Variants in AGL observed in about 807,000 individuals in gnomAD.
The protein encoded by AGL is glycogen debranching enzyme.
A neutral mutation model predicts 199.3 loss-of-function variants in AGL; 128 were observed. The observed-to-expected ratio is 0.64, with a 90% CI of 0.56 to 0.74. The LOEUF (loss-of-function observed/expected upper bound fraction) is 0.74, where lower values mean the gene tolerates loss of function less well. Ranked by LOEUF, AGL falls within the 30% of genes least tolerant of loss-of-function variation. The pLI is 0.00. For synonymous variants in AGL, 584 were observed against 594.7 expected (o/e 0.98, Z 0.26); for missense variants, 1,809 against 1,820.8 (o/e 0.99, Z 0.12).
chr1:99,869,900 A>G (rs527781120), intron 5 of AGL, among the ~76,000 whole-genome samples: 23 of 152,204 alleles, frequency 1.5e-4, no homozygotes, highest in Non-Finnish European at 2.8e-4. Flanking sequence ...AGGCTATCCA[A>G]CCTCCACTCC....
chr1:99,887,141 G>A (rs1340666994), intron 20 of AGL, among the ~76,000 whole-genome samples: 1 of 152,128 alleles, frequency 6.6e-6, no homozygotes, highest in Admixed American at 6.6e-5. Flanking sequence ...TCTAAATTGA[G>A]CCAGAACTAA....
intron 7 of AGL, among the ~76,000 whole-genome samples, chr1:99,872,308 A>G (rs1445998582): frequency 6.6e-6 from 1 of 152,190 alleles, no homozygotes; most frequent in Non-Finnish European, 1.5e-5. Context: ...GTACTGCAGA[A>G]AATACATCCC....
chr1:99,877,797 A>C lies in AGL; in HGVS notation c.1580A>C (p.Asn527Thr). The C allele has an allele frequency of 6.2e-7, 1 of 1,614,086 alleles. No individual in the cohort carries two copies. Among genetic ancestry groups the C allele is most frequent in the South Asian group, 1.1e-5 (1 of 91,076 alleles). Residue 527 changes from asparagine to threonine, a missense_variant, in exon 12 of 34, where the codon AAC (asparagine) becomes ACC (threonine). Coordinates refer to ENST00000361915, the MANE Select transcript of AGL (RefSeq NM_000642.3). ...TATTTCCAGGGAGTACGTCTTGATA[A>C]CTGCCACTCAACACCTCTTCACGTA... is the stretch of plus-strand genomic sequence containing the variant. ...ATYFQGVRLDNCHSTPLHVAE... is the reference protein window; with the variant it reads ...ATYFQGVRLDTCHSTPLHVAE...
intron 26 of AGL, among the ~76,000 whole-genome samples, chr1:99,901,809 G>A (rs1408383924): frequency 6.6e-6 from 1 of 151,940 alleles, no homozygotes; most frequent in African/African-American, 2.4e-5. Flanking sequence ...TCCAGGGTTA[G>A]CATATATTTG....
Position 99,875,424 on chromosome 1 carries a change from C to T in AGL, c.1252C>T (p.Pro418Ser). The T allele has an allele frequency of 3.7e-6, 6 of 1,614,044 alleles. No individual in the cohort carries two copies. The highest frequency in any genetic ancestry group is 5.1e-6 in the Non-Finnish European group (6 of 1,179,998). ...GGCTGGCCATGGTCCAAAACTAGGA[C>T]CTGTCACTAGAAAGCATCCTTTAGT... ...RLAGHGPKLG[P>S]VTRKHPLVTR... is the part of the protein sequence containing the mutation. The change falls in exon 10 of 34, where the codon CCT (proline) becomes TCT (serine). Residue 418 changes from proline (P) to serine (S), a missense_variant. Coordinates refer to ENST00000361915, the MANE Select transcript of AGL (RefSeq NM_000642.3).
intron 23 of AGL, 53 bp from the exon 24 acceptor site, chr1:99,892,379 A>G (rs1220052830): frequency 3.3e-6 from 5 of 1,533,068 alleles, no homozygotes; most frequent in Non-Finnish European, 4.5e-6. Flanking sequence ...GTAAAATAAA[A>G]CTGCTAAAAA....
chr1:99,899,802 A>G (rs1653667495), intron 25 of AGL, among the ~76,000 whole-genome samples: 1 of 151,040 alleles, frequency 6.6e-6, no homozygotes, highest in African/African-American at 2.4e-5. Flanking sequence ...TTGTGTTTTT[A>G]GTAGAGACGG....
intron 17 of AGL, among the ~76,000 whole-genome samples, chr1:99,882,568 C>G (rs1422772542): frequency 6.6e-6 from 1 of 152,166 alleles, no homozygotes; most frequent in Non-Finnish European, 1.5e-5. Flanking sequence ...AAAGTTGCAC[C>G]TCCTTTGTTC....
At chr1:99,869,704 T>A (rs1393053308) in intron 5 of AGL, among the ~76,000 whole-genome samples, 1 of 152,254 alleles carries the variant, frequency 6.6e-6, no homozygotes, top group Non-Finnish European at 1.5e-5. Flanking sequence ...CTACTTTTTA[T>A]TTTATACACA....
chr1:99,906,920 A>G (rs576810064), intron 27 of AGL, among the ~76,000 whole-genome samples: 2 of 152,240 alleles, frequency 1.3e-5, no homozygotes, highest in South Asian at 2.1e-4. Context: ...TGTTAATTCT[A>G]TTTCTAATTT....
chr1:99,857,847 A>AGAGGGAGGCCGTGGGGAGGGGGAGGGGGT (rs1557743553), intron 2 of AGL, among the ~76,000 whole-genome samples: 2 of 8,222 alleles, frequency 2.4e-4, no homozygotes, highest in Non-Finnish European at 4.8e-4. Flanking sequence ...GGGGAGGGGG[A>AGAGGGAGGCCGTGGGGAGGGGGAGGGGGT]GGGGGGAAGA....
At chr1:99,883,997 TAA>T in intron 17 of AGL, 121 bp from the exon 18 acceptor site, 1 of 816,850 alleles carries the variant, frequency 1.2e-6, no homozygotes, top group Non-Finnish European at 2.0e-6. Flanking sequence ...TTCAGACTTC[TAA>T]AAAAAAGTAA....
rs2101084442 is a variant in AGL, at chr1:99,861,509, A to G, written c.89A>G (p.Glu30Gly). 1.9e-6 allele frequency: 3 copies of G among 1,613,888 alleles called. No homozygotes were observed. The highest frequency in any genetic ancestry group is 2.5e-6 in the Non-Finnish European group (3 of 1,179,854). The change falls in exon 3 of 34, where the codon GAG (glutamate) becomes GGG (glycine). Residue 30 changes from glutamate (E) to glycine (G), a missense_variant. Coordinates refer to ENST00000361915, the MANE Select transcript of AGL (RefSeq NM_000642.3). Reference sequence around the variant, plus strand: ...ACATGTGCTTTTTATTTAGGGTATGAGCTACAGTTCCGATTAGGCCCAACT... The same window carrying G: ...ACATGTGCTTTTTATTTAGGGTATGGGCTACAGTTCCGATTAGGCCCAACT... ...KTLFRLEQGY[E>G]LQFRLGPTLQ...
chr1:99,864,608 G>A lies in AGL; in HGVS notation c.664+19G>A, dbSNP rs2101094397. On this transcript the variant is annotated intron_variant, in intron 5 of 33. Coordinates refer to ENST00000361915, the MANE Select transcript of AGL (RefSeq NM_000642.3). The stretch of plus-strand genomic sequence containing the variant: ...CATACTGGTATGAGCTTCATTGACT[G>A]CCTTCATTAATTTTGATGAGAATTT... 1 of 1,598,200 alleles carries A rather than the reference G, an allele frequency of 6.3e-7. No individual in the cohort carries two copies. The highest frequency in any genetic ancestry group is 8.6e-7 in the Non-Finnish European group (1 of 1,166,262).
rs1655553075 is a variant in AGL at position 99,922,143 on chromosome 1, GT to G, written c.*495del. 6.6e-6 allele frequency: 1 copy of G among 151,920 alleles called. No individual in the cohort carries two copies. Among genetic ancestry groups the G allele is most frequent in the African/African-American group, 2.4e-5 (1 of 41,406 alleles). 9.4% of individuals were successfully genotyped at this position (151,920 alleles called of 1,614,324 possible). On this transcript the variant is annotated 3_prime_UTR_variant, in exon 34 of 34. Transcript: ENST00000361915. ...ATTTAATAAATGATGAATGATAGAA[GT>G]TTCCATCTACAATATATGTTCCTAA...
In AGL at chr1:99,864,551, A is replaced by G; in HGVS notation, c.626A>G (p.Asn209Ser). The stretch of plus-strand genomic sequence containing the variant: ...GTGGAAAAATTAAAAAAGGAATGGA[A>G]TGTTATTTGTATTACTGATGTTGTC... ...QLVEKLKKEW[N>S]VICITDVVYN... Residue 209 changes from asparagine (N) to serine (S), a missense_variant, in exon 5 of 34, where the codon AAT becomes AGT. Asn to Ser is a conservative substitution (Grantham distance 46). Transcript: ENST00000361915. The G allele has an allele frequency of 6.2e-7, 1 of 1,613,866 alleles. No homozygotes were observed. Among genetic ancestry groups the G allele is most frequent in the Non-Finnish European group, 8.5e-7 (1 of 1,179,856 alleles).
intron 33 of AGL, among the ~76,000 whole-genome samples, chr1:99,918,448 A>G: frequency 6.6e-6 from 1 of 151,756 alleles, no homozygotes; most frequent in East Asian, 1.9e-4. Flanking sequence ...TGTTCTCTTT[A>G]TTTTGGGTCA....
chr1:99,855,079 TA>T (rs1298343011), intron 2 of AGL, among the ~76,000 whole-genome samples: 2 of 152,018 alleles, frequency 1.3e-5, no homozygotes, highest in Non-Finnish European at 2.9e-5. Flanking sequence ...CGGGTGCCTG[TA>T]ATCCCAGCTA....
chr1:99,850,780 G>A (rs374515839), intron 1 of AGL, 195 bp from the exon 2 acceptor site: 18 of 463,738 alleles, frequency 3.9e-5, no homozygotes, highest in Middle Eastern at 1.2e-3. Flanking sequence ...TTTTATTTCG[G>A]TCTTATTCGT....
Sources: allele counts gnomAD v4.1 joint callset (sites outside exome capture counted in the v4.1 genomes callset), GRCh38; gene constraint gnomAD v4.1.1; transcripts MANE v1.5; gene names NCBI Gene and HGNC (gene_info 2026-07-23, HGNC 2026-07-21).